Variants in CYP3A7 observed in about 807,000 individuals in gnomAD.
CYP3A7 encodes the protein cytochrome P450 family 3 subfamily A member 7.
A neutral mutation model predicts 55.2 loss-of-function variants in CYP3A7; 45 were observed. That is an observed-to-expected ratio of 0.82 (90% CI 0.64 to 1.05). The LOEUF is 1.05. CYP3A7 is among the 50% of genes least tolerant of loss of function. The pLI, the probability that CYP3A7 is intolerant of heterozygous loss-of-function variation, is 0.00. For missense variants in CYP3A7, 548 were observed against 605.3 expected (o/e 0.91, Z 0.99); for synonymous variants, 180 against 207.4 (o/e 0.87, Z 1.13).
intron 5 of CYP3A7, 126 bp downstream of exon 5, chr7:99,717,399 AG>A: frequency 6.3e-7 from 1 of 1,590,482 alleles, no homozygotes; most frequent in African/African-American, 1.3e-5. Flanking sequence ...GTACATAAAA[AG>A]ACTATTTTTA....
intron 8 of CYP3A7, among the ~76,000 whole-genome samples, chr7:99,714,346 T>C (rs181334771): frequency 1.3e-5 from 2 of 152,328 alleles, no homozygotes; most frequent in East Asian, 3.9e-4. Flanking sequence ...TATCAAATTT[T>C]AAGTGCTCTC....
At position 99,717,643 on chromosome 7, in the gene CYP3A7, G is replaced by T. The variant is rs1228779418; in HGVS notation, c.319-4C>A. 1 of 1,613,318 alleles carries T rather than the reference G, an allele frequency of 6.2e-7. No homozygotes were observed. Among genetic ancestry groups the T allele is most frequent in the Admixed American group, 1.7e-5 (1 of 59,948 alleles). On this transcript the variant is annotated splice_region_variant and splice_polypyrimidine_tract_variant and intron_variant, in intron 4 of 12. Transcript: ENST00000336374. Reference sequence around the variant, plus strand: ...TAAATCCCACTGGCCCGAAAGGCTAGAGTTCAAAGCAGAAAGATTTTGTCC... The same window carrying T: ...TAAATCCCACTGGCCCGAAAGGCTATAGTTCAAAGCAGAAAGATTTTGTCC...
rs751204561 is a variant in CYP3A7, at chr7:99,731,117, A to G, written c.107T>C (p.Leu36Pro). ...GTRTHGLFKKLGIPGPTPLPF... is the reference protein window; with the variant it reads ...GTRTHGLFKKPGIPGPTPLPF... ...CAGAGGTGTGGGCCCTGGAATTCCA[A>G]GCTTCTTAAAAAGTCCATGTGTACG... Residue 36 changes from leucine (L) to proline (P), a missense_variant, in exon 2 of 13, where the codon CTT (leucine) becomes CCT (proline). Coordinates refer to ENST00000336374, the MANE Select transcript of CYP3A7 (RefSeq NM_000765.5). 6.2e-7 allele frequency: 1 copy of G among 1,613,946 alleles called. No individual in the cohort carries two copies. The highest frequency in any genetic ancestry group is 8.5e-7 in the Non-Finnish European group (1 of 1,179,842).
intron 1 of CYP3A7, among the ~76,000 whole-genome samples, chr7:99,731,938 A>G (rs1466666198): frequency 6.6e-6 from 1 of 152,196 alleles, no homozygotes; most frequent in East Asian, 1.9e-4. Flanking sequence ...ATCACAACTA[A>G]GAACAAGGAC....
At chr7:99,718,567 C>T in intron 4 of CYP3A7, among the ~76,000 whole-genome samples, 1 of 151,966 alleles carries the variant, frequency 6.6e-6, no homozygotes. Context: ...ACAAAAAAAC[C>T]CACTTCATCT....
intron 9 of CYP3A7, among the ~76,000 whole-genome samples, chr7:99,712,710 A>G (rs553653178): frequency 6.6e-6 from 1 of 152,316 alleles, no homozygotes; most frequent in East Asian, 1.9e-4. Context: ...TTAAATCTGT[A>G]TGCCAAAGTC....
chr7:99,722,246 A>T (rs763155837), intron 3 of CYP3A7, 50 bp downstream of exon 3: 3 of 1,609,986 alleles, frequency 1.9e-6, no homozygotes, highest in East Asian at 2.2e-5. Context: ...CAGTGGGGTA[A>T]ACTCATCATA....
intron 12 of CYP3A7, among the ~76,000 whole-genome samples, chr7:99,707,011 T>C (rs547260587): frequency 2.2e-4 from 34 of 152,300 alleles, no homozygotes; most frequent in Admixed American, 2.0e-3. Flanking sequence ...TAGCCTCCAG[T>C]AACTAATAAC....
intron 1 of CYP3A7, among the ~76,000 whole-genome samples, chr7:99,733,711 A>G (rs1814718078): frequency 6.6e-6 from 1 of 152,052 alleles, no homozygotes; most frequent in South Asian, 2.1e-4. Flanking sequence ...ACCCATGAAT[A>G]TCTATTTGGA....
intron 4 of CYP3A7, among the ~76,000 whole-genome samples, chr7:99,718,577 TA>T (rs1814063317): frequency 6.6e-6 from 1 of 152,178 alleles, no homozygotes; most frequent in South Asian, 2.1e-4. Flanking sequence ...CCACTTCATC[TA>T]AATCATTCTT....
Position 99,715,788 on chromosome 7 carries a change from T to C in CYP3A7, c.640A>G (p.Asn214Asp), listed in dbSNP as rs1049282604. 6.2e-7 allele frequency: 1 copy of C among 1,613,882 alleles called. No individual in the cohort carries two copies. Among genetic ancestry groups the C allele is most frequent in the South Asian group, 1.1e-5 (1 of 91,078 alleles). ...GAGAGAACGAATGGATCTAATGGAT[T>C]AAATCTTAAAAGCTTCTTGGTGTTT... ...VENTKKLLRF[N>D]PLDPFVLSIK... Residue 214 changes from asparagine to aspartate, a missense_variant, in exon 7 of 13, where the codon AAT becomes GAT. Physicochemically the swap from Asn to Asp is conservative, Grantham distance 23. Coordinates refer to ENST00000336374, the MANE Select transcript of CYP3A7 (RefSeq NM_000765.5).
At chr7:99,720,259 A>G (rs1814144102) in intron 4 of CYP3A7, 54 bp downstream of exon 4, 21 of 1,599,560 alleles carry the variant, frequency 1.3e-5, no homozygotes, top group African/African-American at 2.7e-5. Flanking sequence ...AGAATTTTAA[A>G]ATAAAAATTT....
At chr7:99,712,541 C>A (rs1813794454) in intron 9 of CYP3A7, among the ~76,000 whole-genome samples, 1 of 152,168 alleles carries the variant, frequency 6.6e-6, no homozygotes, top group Non-Finnish European at 1.5e-5. Flanking sequence ...CTAGATGAAA[C>A]ACTAAAACAG....
At position 99,731,229 on chromosome 7, in the gene CYP3A7, G is replaced by T. The variant is rs2035840570; in HGVS notation, c.72-77C>A. On this transcript the variant is annotated intron_variant, in intron 1 of 12. Transcript: ENST00000336374. The stretch of plus-strand genomic sequence containing the variant: ...AGGGGCTGGTGAGTCACTGACTGAG[G>T]AACTGGAATGATCAGGCAAAGGAGG... 2.0e-6 allele frequency: 3 copies of T among 1,530,566 alleles called. No homozygotes were observed. The East Asian group carries it at 6.8e-5, about 35-fold the overall frequency. The allele number at this position is 1,530,566 out of a possible 1,614,324, so 94.8% of individuals were successfully genotyped here.
intron 12 of CYP3A7, among the ~76,000 whole-genome samples, chr7:99,707,218 C>G (rs558594510): frequency 4.6e-5 from 7 of 152,164 alleles, no homozygotes; most frequent in African/African-American, 1.7e-4. Context: ...GTAAGGATGG[C>G]CTTGGACTGT....
chr7:99,722,329 A>C lies in CYP3A7; in HGVS notation c.185T>G (p.Met62Arg). ...TTTTCTATACTTTTTATAACATTCC[A>C]TGTCAAACGTCCAATAGCCCTGGGA... ...SFRKGYWTFD[M>R]ECYKKYRKVW... Residue 62 changes from methionine (M) to arginine (R), a missense_variant, in exon 3 of 13, where the codon ATG becomes AGG. Physicochemically the swap from Met to Arg is moderately conservative, Grantham distance 91. Coordinates refer to ENST00000336374, the MANE Select transcript of CYP3A7 (RefSeq NM_000765.5). The C allele has an allele frequency of 6.2e-7, 1 of 1,613,522 alleles. No individual in the cohort carries two copies. The highest frequency in any genetic ancestry group is 8.5e-7 in the Non-Finnish European group (1 of 1,179,600).
rs1813472408 is a variant in CYP3A7 at position 99,705,129 on chromosome 7, G to C, written c.*371C>G. 1.2e-5 allele frequency: 3 copies of C among 249,872 alleles called. No individual in the cohort carries two copies. The Admixed American group carries it at 1.5e-4, about 13-fold the overall frequency. The allele number at this position is 249,872 out of a possible 1,614,324, so 15.5% of individuals were successfully genotyped here. ...ACACATGATATAAATGTCACTGTTA[G>C]AGCCATCAAAATAATTCCTATTTTT... On this transcript the variant is annotated 3_prime_UTR_variant, in exon 13 of 13. Coordinates refer to ENST00000336374, the MANE Select transcript of CYP3A7 (RefSeq NM_000765.5).
intron 1 of CYP3A7, 100 bp downstream of exon 1, chr7:99,734,923 A>T: frequency 6.3e-7 from 1 of 1,578,618 alleles, no homozygotes; most frequent in Non-Finnish European, 8.7e-7. Context: ...GGCCAGCCTG[A>T]ACATCCTTTT....
At chr7:99,723,760 T>A (rs1291735684) in intron 2 of CYP3A7, among the ~76,000 whole-genome samples, 2 of 152,140 alleles carry the variant, frequency 1.3e-5, no homozygotes, top group African/African-American at 2.4e-5. Context: ...TTGCTATCCC[T>A]CCACCCTTCA....
Sources: allele counts gnomAD v4.1 joint callset (sites outside exome capture counted in the v4.1 genomes callset), GRCh38; gene constraint gnomAD v4.1.1; transcripts MANE v1.5; gene names NCBI Gene and HGNC (gene_info 2026-07-23, HGNC 2026-07-21).